Variants in FHOD3 observed in about 807,000 individuals in gnomAD.
FHOD3 encodes the protein FH1/FH2 domain-containing protein 3.
FHOD3 carries 90 observed loss-of-function variants against 173.0 expected under a neutral mutation model. The ratio of observed to expected loss-of-function variants is 0.52; its 90% confidence interval spans 0.44 to 0.62. The LOEUF is 0.62. Ranked by LOEUF, FHOD3 falls within the 20% of genes least tolerant of loss-of-function variation. The pLI is 0.00. For missense variants in FHOD3, 1,945 were observed against 2,034.7 expected, an observed-to-expected ratio of 0.96 and a Z score of 0.85; for synonymous variants, 828 against 823.0, an observed-to-expected ratio of 1.01 and a Z score of -0.10.
At chr18:36,532,194 TG>T (rs2056811532) in intron 5 of FHOD3, among the ~76,000 whole-genome samples, 1 of 152,240 alleles carries the variant, frequency 6.6e-6, no homozygotes, top group South Asian at 2.1e-4. Flanking sequence ...AGCAAGGCTC[TG>T]TGATTTCTAG....
intron 2 of FHOD3, among the ~76,000 whole-genome samples, chr18:36,365,135 A>G (rs965906996): frequency 1.3e-5 from 2 of 152,194 alleles, no homozygotes; most frequent in Non-Finnish European, 2.9e-5. Flanking sequence ...AAGGGCCAAA[A>G]CAATGAAACT....
At chr18:36,554,404 C>T (rs959416922) in intron 5 of FHOD3, among the ~76,000 whole-genome samples, 2 of 147,778 alleles carry the variant, frequency 1.4e-5, no homozygotes, top group Admixed American at 6.9e-5. Flanking sequence ...CCAAACACTG[C>T]GTATTCTCAC....
intron 8 of FHOD3, among the ~76,000 whole-genome samples, chr18:36,607,595 T>G (rs1018529450): frequency 2.0e-5 from 3 of 152,212 alleles, no homozygotes; most frequent in African/African-American, 7.2e-5. Context: ...TTTTTACTCT[T>G]TACATGGCCA....
intron 1 of FHOD3, among the ~76,000 whole-genome samples, chr18:36,339,590 G>A (rs558399040): frequency 3.9e-5 from 6 of 152,298 alleles, no homozygotes; most frequent in Non-Finnish European, 8.8e-5. Flanking sequence ...TCCCTGTGGT[G>A]GGTGGTCTGC....
intron 1 of FHOD3, among the ~76,000 whole-genome samples, chr18:36,321,051 C>T (rs2044367392): frequency 6.7e-6 from 1 of 149,818 alleles, no homozygotes; most frequent in Non-Finnish European, 1.5e-5. Context: ...TTCCTTCCTT[C>T]CACCTCTTCT....
intron 1 of FHOD3, among the ~76,000 whole-genome samples, chr18:36,342,443 A>C (rs9955428): frequency 2.8e-4 from 43 of 152,330 alleles, no homozygotes; most frequent in African/African-American, 9.9e-4. Flanking sequence ...AATTAAAGGC[A>C]ATGAAAGTAT....
intron 6 of FHOD3, among the ~76,000 whole-genome samples, chr18:36,592,279 A>T (rs1419910401): frequency 6.6e-6 from 1 of 152,214 alleles, no homozygotes; most frequent in African/African-American, 2.4e-5. Context: ...TAAGTAAAAG[A>T]GTCAGGAAGG....
intron 12 of FHOD3, 58 bp from the exon 13 acceptor site, chr18:36,653,284 A>G (rs1466368656): frequency 1.5e-6 from 2 of 1,333,764 alleles, no homozygotes; most frequent in African/African-American, 3.0e-5. Context: ...AGAATGTATC[A>G]AAGTCCTTTG....
At chr18:36,373,116 G>C (rs1268742559) in intron 3 of FHOD3, among the ~76,000 whole-genome samples, 3 of 152,144 alleles carry the variant, frequency 2.0e-5, no homozygotes, top group Non-Finnish European at 4.4e-5. Flanking sequence ...TGGGGCTCCA[G>C]GTTGTTATCA....
chr18:36,470,973 C>G (rs1256560595), intron 3 of FHOD3, among the ~76,000 whole-genome samples: 1 of 152,176 alleles, frequency 6.6e-6, no homozygotes, highest in Non-Finnish European at 1.5e-5. Flanking sequence ...TGTGGGTGGC[C>G]TGCTTTACTC....
chr18:36,754,705 A>G (rs2042548616), intron 24 of FHOD3, among the ~76,000 whole-genome samples: 1 of 151,988 alleles, frequency 6.6e-6, no homozygotes, highest in South Asian at 2.1e-4. Flanking sequence ...TTGTCATATA[A>G]TCTAGAAATG....
intron 17 of FHOD3, among the ~76,000 whole-genome samples, chr18:36,699,202 A>G (rs751734805): frequency 2.6e-5 from 4 of 152,234 alleles, no homozygotes; most frequent in East Asian, 1.9e-4. Context: ...ATGGTTTTAA[A>G]TCAACCTTTA....
chr18:36,538,774 AG>A (rs1156594870), intron 5 of FHOD3, among the ~76,000 whole-genome samples: 1 of 152,172 alleles, frequency 6.6e-6, no homozygotes, highest in African/African-American at 2.4e-5. Context: ...CAGTGGTGGG[AG>A]GTAGGAATGT....
chr18:36,728,846 T>C (rs2041206397), intron 19 of FHOD3, among the ~76,000 whole-genome samples: 1 of 152,126 alleles, frequency 6.6e-6, no homozygotes, highest in South Asian at 2.1e-4. Context: ...GGAGATCAGA[T>C]GATGAGTGGC....
chr18:36,388,680 T>C (rs1376267818), intron 3 of FHOD3, among the ~76,000 whole-genome samples: 3 of 152,200 alleles, frequency 2.0e-5, no homozygotes, highest in Non-Finnish European at 4.4e-5. Flanking sequence ...AACCCTGCTC[T>C]GTCCTGAGGG....
Position 36,612,040 on chromosome 18 carries a change from A to C in FHOD3, c.902A>C (p.His301Pro). 1 of 1,614,212 alleles carries C rather than the reference A, an allele frequency of 6.2e-7. No individual in the cohort carries two copies. ...ELGIAAVSQR[H>P]LNKKGTDLDL... ...GGCATTGCTGCTGTGTCCCAGAGGC[A>C]CTTGAACAAGAAAGGGACTGACCTG... is the stretch of plus-strand genomic sequence containing the variant. Residue 301 changes from histidine (H) to proline (P), a missense_variant, in exon 9 of 29, where the codon CAC becomes CCC. This residue lies in a region of FHOD3 where 1,099 missense variants were observed against 1,051.2 expected (regional missense o/e 1.05). Transcript: ENST00000590592.
chr18:36,780,172 C>T lies in FHOD3; in HGVS notation c.*642C>T. On this transcript the variant is annotated 3_prime_UTR_variant, in exon 29 of 29. Transcript: ENST00000590592. ...TCAGAAGCACCCTCGCTTGGAACGG[C>T]CTTCAGATCCTTTGGGCTGTATTTT... The T allele has an allele frequency of 1.6e-6, 2 of 1,231,842 alleles. No homozygotes were observed. Among genetic ancestry groups the T allele is most frequent in the Non-Finnish European group, 2.0e-6 (2 of 988,016 alleles). 76.3% of individuals were successfully genotyped at this position (1,231,842 alleles called of 1,614,324 possible).
At chr18:36,440,043 C>T (rs1286214682) in intron 3 of FHOD3, among the ~76,000 whole-genome samples, 2 of 152,110 alleles carry the variant, frequency 1.3e-5, no homozygotes, top group African/African-American at 2.4e-5. Context: ...TTAGCCCAGT[C>T]AAGTTGACAC....
chr18:36,710,553 G>C (rs1186473297), intron 18 of FHOD3: 1 of 152,140 alleles, frequency 6.6e-6, no homozygotes, highest in Non-Finnish European at 1.5e-5. Context: ...TTACTATTTG[G>C]ATTTTTTCCC....
Sources: gnomAD v4.1 joint callset for allele counts (sites outside exome capture counted in the v4.1 genomes callset) on GRCh38, gnomAD v4.1.1 for gene constraint, gnomAD v4.1.1 regional missense constraint, MANE v1.5 for transcripts, NCBI Gene and HGNC (gene_info 2026-07-23, HGNC 2026-07-21) for gene names.